Variants in PMS1 observed in about 807,000 individuals in gnomAD.
PMS1 encodes PMS1 protein homolog 1.
In PMS1, 79 loss-of-function variants were observed where a neutral mutation model predicts 93.1. That is an observed-to-expected ratio of 0.85 (90% confidence interval 0.71 to 1.02). The LOEUF is 1.02. PMS1 is among the 50% of genes least tolerant of loss of function. The probability of loss-of-function intolerance (pLI) is 0.00; values close to 1 mark genes in which losing one functional copy is unlikely to be tolerated. For missense variants in PMS1, 1,064 were observed against 1,085.3 expected, an observed-to-expected ratio of 0.98 and a Z score of 0.28; for synonymous variants, 335 against 363.4, an observed-to-expected ratio of 0.92 and a Z score of 0.89.
chr2:189,785,056 A>G (rs953366890), intron 1 of PMS1, among the ~76,000 whole-genome samples: 10 of 152,338 alleles, frequency 6.6e-5, no homozygotes, highest in South Asian at 4.1e-4. Flanking sequence ...TGTGAATACC[A>G]AAAATTGATC....
chr2:189,786,713 CAT>C (rs1205124921), intron 1 of PMS1, among the ~76,000 whole-genome samples: 3 of 152,120 alleles, frequency 2.0e-5, no homozygotes, highest in Non-Finnish European at 4.4e-5. Flanking sequence ...ATAAAATTCT[CAT>C]GTTGGCTATT....
At chr2:189,791,565 CG>C (rs1268494578) in intron 1 of PMS1, 2 of 401,394 alleles carry the variant, frequency 5.0e-6, no homozygotes, top group African/African-American at 4.2e-5. Context: ...TGCAGTGAGT[CG>C]AGATCACGCC....
At chr2:189,847,465 A>AT (rs78614271) in intron 6 of PMS1, among the ~76,000 whole-genome samples, 54 of 150,652 alleles carry the variant, frequency 3.6e-4, no homozygotes, top group African/African-American at 8.8e-4. Context: ...CTGTCTATGG[A>AT]TTTTTTTTTA....
chr2:189,845,595 A>C (rs947139127), intron 6 of PMS1, among the ~76,000 whole-genome samples: 1 of 151,702 alleles, frequency 6.6e-6, no homozygotes, highest in Non-Finnish European at 1.5e-5. Flanking sequence ...CTTAGACCCC[A>C]CTTATTTCTT....
chr2:189,840,185 A>G (rs1364518611), intron 5 of PMS1, among the ~76,000 whole-genome samples: 1 of 152,218 alleles, frequency 6.6e-6, no homozygotes, highest in Non-Finnish European at 1.5e-5. Context: ...CAAATCAGGC[A>G]GCCCCCAGAG....
At position 189,811,281 on chromosome 2, in the gene PMS1, G is replaced by GAAA. The variant is rs370077425; in HGVS notation, c.418+5542_418+5544dup. On this transcript the variant is annotated intron_variant, in intron 4 of 12. Coordinates refer to ENST00000441310, the MANE Select transcript of PMS1 (RefSeq NM_000534.5). ...GAGAGAATGGGGCAGAACAAAATCT[G>GAAA]AAAAAAAAAAAAAAAAAGTCTGAGG... Among the ~76,000 whole-genome samples the GAAA allele has an allele frequency of 1.4e-4, 16 of 113,698 alleles. No individual in the cohort carries two copies. The East Asian group carries it at 2.2e-3, about 16-fold the overall frequency. 74.6% of individuals were successfully genotyped at this position (113,698 alleles called of 152,430 possible). A position where few individuals can be genotyped will look rare whatever the true frequency, so the allele number is the denominator to read the frequency against.
chr2:189,870,215 A>T (rs551022351), intron 11 of PMS1, among the ~76,000 whole-genome samples: 3 of 152,002 alleles, frequency 2.0e-5, no homozygotes, highest in Non-Finnish European at 2.9e-5. Context: ...CTTGTGTGAG[A>T]GTATTGTATT....
At chr2:189,872,682 G>C (rs5743179) in intron 11 of PMS1, among the ~76,000 whole-genome samples, 5 of 151,988 alleles carry the variant, frequency 3.3e-5, no homozygotes, top group Non-Finnish European at 4.4e-5. Context: ...GCCCAGGCTG[G>C]AGTGCAGTGG....
chr2:189,837,393 A>C (rs1008738602), intron 5 of PMS1, among the ~76,000 whole-genome samples: 8 of 152,204 alleles, frequency 5.3e-5, no homozygotes, highest in African/African-American at 1.9e-4. Flanking sequence ...CCTTGTGAAT[A>C]AGTTTTTATG....
chr2:189,808,255 A>G (rs531076530), intron 4 of PMS1, among the ~76,000 whole-genome samples: 16 of 152,284 alleles, frequency 1.1e-4, no homozygotes, highest in Non-Finnish European at 2.1e-4. Context: ...AATTGTAGGT[A>G]CGGGAACAAC....
At chr2:189,845,743 C>G (rs1274435124) in intron 6 of PMS1, among the ~76,000 whole-genome samples, 1 of 151,004 alleles carries the variant, frequency 6.6e-6, no homozygotes, top group South Asian at 2.1e-4. Flanking sequence ...TCTTTTTTTT[C>G]TTTTTGAGAT....
At chr2:189,838,459 T>G (rs775214213) in intron 5 of PMS1, among the ~76,000 whole-genome samples, 1 of 152,200 alleles carries the variant, frequency 6.6e-6, no homozygotes, top group Non-Finnish European at 1.5e-5. Context: ...CTGAACAAGC[T>G]GAACTCATCA....
chr2:189,824,960 A>G (rs907941200), intron 5 of PMS1, among the ~76,000 whole-genome samples: 7 of 151,982 alleles, frequency 4.6e-5, no homozygotes, highest in East Asian at 1.9e-4. Context: ...ATCATTCTAT[A>G]TGTACTTTTT....
At chr2:189,837,820 G>A (rs1161164397) in intron 5 of PMS1, among the ~76,000 whole-genome samples, 1 of 152,164 alleles carries the variant, frequency 6.6e-6, no homozygotes, top group Non-Finnish European at 1.5e-5. Context: ...TAATTCAAAT[G>A]TATTATCTAC....
At chr2:189,869,520 G>A (rs992881844) in intron 11 of PMS1, among the ~76,000 whole-genome samples, 1 of 151,964 alleles carries the variant, frequency 6.6e-6, no homozygotes, top group Non-Finnish European at 1.5e-5. Context: ...TTTTTTTCAT[G>A]AAAGATATTA....
chr2:189,834,769 GC>G lies in PMS1; in HGVS notation c.583-9192del, dbSNP rs528286367. On this transcript the variant is annotated intron_variant, in intron 5 of 12. Transcript: ENST00000441310. ...TTTAGAGACAGGGTCTCACTCTGTT[GC>G]CCAGGCTTGAGTGCAGAGGCATGAT... 8.5e-5 allele frequency among the ~76,000 whole-genome samples: 13 copies of G among 152,244 alleles called. No homozygotes were observed. The East Asian group carries it at 2.5e-3, about 29-fold the overall frequency.
rs532793092 is a variant in PMS1, at chr2:189,849,842, A to G, written c.700-2813A>G. ...TCTTGTGACTCTGGCAAGCAGCTCC[A>G]GACAGTGGCCACGGTATTTTTAAAC... On this transcript the variant is annotated intron_variant, in intron 6 of 12. Coordinates refer to ENST00000441310, the MANE Select transcript of PMS1 (RefSeq NM_000534.5). 2.7e-5 allele frequency among the ~76,000 whole-genome samples: 4 copies of G among 149,790 alleles called. No individual in the cohort carries two copies. The South Asian group carries it at 8.4e-4, about 32-fold the overall frequency.
chr2:189,798,121 A>G (rs1487805596), intron 3 of PMS1, among the ~76,000 whole-genome samples: 5 of 152,202 alleles, frequency 3.3e-5, no homozygotes. Flanking sequence ...TCATCGTCAC[A>G]TGGCTGACTG....
chr2:189,826,448 GT>G (rs1202842136), intron 5 of PMS1, among the ~76,000 whole-genome samples: 67 of 145,326 alleles, frequency 4.6e-4, no homozygotes, highest in African/African-American at 1.5e-3. Context: ...TTGGTTTGGG[GT>G]CTTTTTTTTT....
Sources: allele counts gnomAD v4.1 joint callset (sites outside exome capture counted in the v4.1 genomes callset), GRCh38; gene constraint gnomAD v4.1.1; transcripts MANE v1.5; gene names NCBI Gene and HGNC (gene_info 2026-07-23, HGNC 2026-07-21).